MTHFD2L: variants seen among roughly 807,000 people sequenced by gnomAD.
MTHFD2L encodes methylenetetrahydrofolate dehydrogenase (NADP+ dependent) 2 like.
MTHFD2L carries 29 observed loss-of-function variants against 34.9 expected under a neutral mutation model. The ratio of observed to expected loss-of-function variants is 0.83; its 90% CI spans 0.62 to 1.13. MTHFD2L has a LOEUF of 1.13. Among genes scored for constraint, MTHFD2L ranks in the 50% most tolerant of loss-of-function variants. MTHFD2L has a pLI of 0.00. For synonymous variants in MTHFD2L, 167 were observed against 155.7 expected, an observed-to-expected ratio of 1.07 and a Z score of -0.54; for missense variants, 481 against 446.5, an observed-to-expected ratio of 1.08 and a Z score of -0.70.
rs188964427 is a variant in MTHFD2L, at chr4:74,145,202, T to G, written c.-296-14853T>G. 1.8e-3 allele frequency among the ~76,000 whole-genome samples: 277 copies of G among 151,740 alleles called. 2 individuals are homozygous for G. Among genetic ancestry groups the G allele is most frequent in the African/African-American group, 5.9e-3 (245 of 41,420 alleles). ...CCCAAATCATTCTGTATTTGCAGGT[T>G]TGCATCCTCGAATTCAACCAACTAG... On this transcript the variant is annotated intron_variant, in intron 1 of 7. Coordinates refer to the MTHFD2L transcript ENST00000433372.
At chr4:74,153,398 A>G (rs140721483), upstream of MTHFD2L, among the ~76,000 whole-genome samples, 396 of 152,358 alleles carry the variant, frequency 2.6e-3, no homozygotes, top group African/African-American at 9.3e-3. Flanking sequence ...TGGCATAAAA[A>G]TGTATTGTAC....
At chr4:74,225,809 A>G (rs960136149) in intron 6 of MTHFD2L, among the ~76,000 whole-genome samples, 6 of 152,144 alleles carry the variant, frequency 3.9e-5, no homozygotes, top group Non-Finnish European at 8.8e-5. Context: ...ATGCTGCCCT[A>G]AACACAGCCA....
chr4:74,190,635 C>T lies in MTHFD2L; in HGVS notation c.452-9159C>T, dbSNP rs1441254211. 1.3e-5 allele frequency: 6 copies of T among 467,916 alleles called. No homozygotes were observed. In the Admixed American group the frequency reaches 3.2e-4, roughly 25 times the overall value. The allele number at this position is 467,916 out of a possible 1,614,324, so 29.0% of individuals were successfully genotyped here. A position where few individuals can be genotyped will look rare whatever the true frequency, so the allele number is the denominator to read the frequency against. On this transcript the variant is annotated intron_variant, in intron 3 of 7. Transcript: ENST00000325278. Reference sequence around the variant, plus strand: ...GTCCCCTTGTCCCTTGATGTTGAAACAACTCTTAAATAATATTGGGAAAGT... The same window carrying T: ...GTCCCCTTGTCCCTTGATGTTGAAATAACTCTTAAATAATATTGGGAAAGT...
At chr4:74,277,365 G>A (rs113527235) in intron 6 of MTHFD2L, among the ~76,000 whole-genome samples, 1,856 of 152,050 alleles carry the variant, frequency 0.012, 44 homozygotes, top group African/African-American at 0.042. Flanking sequence ...CGTTCTAAGA[G>A]GGAGGAGGAC....
At position 74,201,414 on chromosome 4, in the gene MTHFD2L, T is replaced by A. The variant is rs182345658; in HGVS notation, c.712+44T>A. 3 of 1,398,012 alleles carry A rather than the reference T, an allele frequency of 2.1e-6. No individual in the cohort carries two copies. The African/African-American group carries it at 4.3e-5, about 20-fold the overall frequency. 86.6% of individuals were successfully genotyped at this position (1,398,012 alleles called of 1,614,324 possible). On this transcript the variant is annotated intron_variant, in intron 5 of 7. Coordinates refer to ENST00000325278, the MANE Select transcript of MTHFD2L (RefSeq NM_001144978.3). ...ATTCTACACTCTCTCGCAGTATTCTTACTTCTTACATCATCAAGTAAACAC... is the reference window on the plus strand; with the variant it reads ...ATTCTACACTCTCTCGCAGTATTCTAACTTCTTACATCATCAAGTAAACAC...
At chr4:74,258,848 G>A (rs1209481804) in intron 6 of MTHFD2L, among the ~76,000 whole-genome samples, 1 of 152,052 alleles carries the variant, frequency 6.6e-6, no homozygotes, top group African/African-American at 2.4e-5. Flanking sequence ...GGAAAACTAT[G>A]GACAGGGAGA....
intron 6 of MTHFD2L, among the ~76,000 whole-genome samples, chr4:74,228,837 G>A (rs1739580600): frequency 6.6e-6 from 1 of 152,178 alleles, no homozygotes; most frequent in African/African-American, 2.4e-5. Flanking sequence ...CTTTAGGTGT[G>A]GTGGGTGTTG....
At chr4:74,128,484 C>T (rs1722236360) in intron 1 of MTHFD2L, among the ~76,000 whole-genome samples, 1 of 152,094 alleles carries the variant, frequency 6.6e-6, no homozygotes, top group Admixed American at 6.6e-5. Context: ...GCCCTTCCCC[C>T]ATTGTCTATT....
chr4:74,290,672 G>A (rs1486604558), intron 7 of MTHFD2L, among the ~76,000 whole-genome samples: 2 of 151,824 alleles, frequency 1.3e-5, no homozygotes, highest in Non-Finnish European at 2.9e-5. Context: ...ACGCGCGAGG[G>A]TACATTGCTC....
intron 6 of MTHFD2L, chr4:74,267,630 T>C (rs550298197): frequency 1.6e-6 from 1 of 626,822 alleles, no homozygotes; most frequent in Admixed American, 6.3e-5. Flanking sequence ...TGACAAGGTT[T>C]CCCTATGTTG....
chr4:74,145,934 T>C (rs1488215872), intron 1 of MTHFD2L, among the ~76,000 whole-genome samples: 1 of 152,140 alleles, frequency 6.6e-6, no homozygotes, highest in African/African-American at 2.4e-5. Context: ...ATGCTCCCTA[T>C]ACAGCCTGCA....
At chr4:74,154,159 A>G (rs571765512), upstream of MTHFD2L, among the ~76,000 whole-genome samples, 4 of 152,268 alleles carry the variant, frequency 2.6e-5, no homozygotes, top group African/African-American at 9.6e-5. Flanking sequence ...CTGGGGTTAC[A>G]GGTTTTGCAG....
At chr4:74,198,580 ATCATC>A (rs1174064459) in intron 3 of MTHFD2L, among the ~76,000 whole-genome samples, 2 of 152,156 alleles carry the variant, frequency 1.3e-5, no homozygotes, top group Non-Finnish European at 1.5e-5. Flanking sequence ...AAAATGACTT[ATCATC>A]ATCATCACCT....
intron 6 of MTHFD2L, among the ~76,000 whole-genome samples, chr4:74,244,313 C>T (rs1176879824): frequency 6.6e-6 from 1 of 152,286 alleles, no homozygotes; most frequent in East Asian, 1.9e-4. Flanking sequence ...CATCTATTGG[C>T]TTTGCAGGAA....
upstream of MTHFD2L, chr4:74,157,992 C>T (rs2289443): frequency 0.9 from 1,126,948 of 1,249,400 alleles, 522,578 homozygotes; most frequent in Non-Finnish European, 0.95. Flanking sequence ...CCGCTCTTTA[C>T]CCCACTCTGC....
intron 5 of MTHFD2L, among the ~76,000 whole-genome samples, chr4:74,223,108 G>T (rs1454255062): frequency 6.6e-6 from 1 of 151,946 alleles, no homozygotes; most frequent in Non-Finnish European, 1.5e-5. Context: ...AATATAAATT[G>T]TTCTATCATA....
intron 6 of MTHFD2L, among the ~76,000 whole-genome samples, chr4:74,226,128 A>C (rs968688256): frequency 3.9e-5 from 6 of 152,156 alleles, no homozygotes; most frequent in African/African-American, 1.4e-4. Context: ...ATAAAAACAT[A>C]AGTGGCATTT....
chr4:74,148,638 T>C (rs1723753217), intron 1 of MTHFD2L, among the ~76,000 whole-genome samples: 1 of 146,824 alleles, frequency 6.8e-6, no homozygotes, highest in South Asian at 2.2e-4. Context: ...GTGCTAGCAT[T>C]ATAGTCCCTT....
chr4:74,267,911 A>G (rs945181974), intron 6 of MTHFD2L: 1 of 985,190 alleles, frequency 1.0e-6, no homozygotes, highest in Non-Finnish European at 1.2e-6. Flanking sequence ...GCAGAGCCCT[A>G]CTGGCCCTGA....
Sources: gnomAD v4.1 joint callset for allele counts (sites outside exome capture counted in the v4.1 genomes callset) on GRCh38, gnomAD v4.1.1 for gene constraint, MANE v1.5 for transcripts, NCBI Gene and HGNC (gene_info 2026-07-23, HGNC 2026-07-21) for gene names.